Variants in FAM161B observed in about 807,000 individuals in gnomAD.
FAM161B encodes the protein FAM161 centrosomal protein B, also known as protein FAM161B.
A neutral mutation model predicts 61.5 loss-of-function variants in FAM161B; 46 were observed. The ratio of observed to expected loss-of-function variants is 0.75; its 90% CI spans 0.59 to 0.96. The LOEUF (loss-of-function observed/expected upper bound fraction) is 0.96. Ranked by LOEUF, FAM161B falls within the 40% of genes least tolerant of loss-of-function variation. The pLI is 0.00. For synonymous variants in FAM161B, 284 were observed against 302.7 expected (o/e 0.94, Z 0.64); for missense variants, 774 against 800.7 (o/e 0.97, Z 0.40).
chr14:73,924,587 A>G, the FAM161B span: 2 of 392,904 alleles, frequency 5.1e-6, no homozygotes, highest in African/African-American at 2.1e-5. Context: ...CACATTTCAT[A>G]TGCATAAACT....
chr14:73,946,301 C>T lies in FAM161B; in HGVS notation c.359G>A (p.Cys120Tyr), dbSNP rs774632283. The change falls in exon 2 of 9, where the codon TGC (cysteine) becomes TAC (tyrosine). Residue 120 changes from cysteine (C) to tyrosine (Y), a missense_variant. Coordinates refer to ENST00000286544, the MANE Select transcript of FAM161B (RefSeq NM_152445.3). ...DKDRGMVQVQ[C>Y]PQALRCGSTR... ...AGTGCCTTACCTCAGAGCCTGCGGG[C>T]ACTGGACCTGCACCATCCCCCTGTC... 2.5e-6 allele frequency: 4 copies of T among 1,612,954 alleles called. No individual in the cohort carries two copies. Among genetic ancestry groups the T allele is most frequent in the Non-Finnish European group, 2.5e-6 (3 of 1,179,302 alleles).
At chr14:73,924,833 C>T in the FAM161B span, 18 of 333,178 alleles carry the variant, frequency 5.4e-5, 1 homozygote, top group Admixed American at 5.3e-4. Flanking sequence ...CGTGCCACCA[C>T]GCCCAGCTAA....
intron 1 of FAM161B, among the ~76,000 whole-genome samples, chr14:73,949,171 C>T (rs969521431): frequency 4.6e-5 from 7 of 150,622 alleles, no homozygotes; most frequent in Non-Finnish European, 7.4e-5. Context: ...GGCACAATCT[C>T]GGCTCACTGC....
chr14:73,945,417 GTATTTT>G (rs2056058042), intron 2 of FAM161B, among the ~76,000 whole-genome samples: 1 of 152,064 alleles, frequency 6.6e-6, no homozygotes, highest in Non-Finnish European at 1.5e-5. Flanking sequence ...ATGCTTCCCT[GTATTTT>G]TTTTTATTTT....
At chr14:73,931,547 G>GGT (rs774203450), downstream of FAM161B, 1 of 1,608,850 alleles carries the variant, frequency 6.2e-7, no homozygotes, top group African/African-American at 1.3e-5. Context: ...CATGAGCGTG[G>GGT]GTGCTGACTC....
At chr14:73,949,365 GTAAGC>G (rs2056104192) in intron 1 of FAM161B, among the ~76,000 whole-genome samples, 1 of 151,808 alleles carries the variant, frequency 6.6e-6, no homozygotes, top group East Asian at 1.9e-4. Flanking sequence ...CATTACAGGA[GTAAGC>G]CACCGCACCC....
At chr14:73,926,306 C>CT in the FAM161B span, among the ~76,000 whole-genome samples, 4 of 151,986 alleles carry the variant, frequency 2.6e-5, no homozygotes, top group African/African-American at 9.7e-5. Flanking sequence ...GGTTGGTTTG[C>CT]TAGAGTCAGG....
downstream of FAM161B, chr14:73,931,671 C>T: frequency 2.5e-6 from 2 of 787,878 alleles, no homozygotes; most frequent in South Asian, 3.1e-5. Context: ...TTTTGCCACT[C>T]TTCCTCTTTC....
intron 1 of FAM161B, among the ~76,000 whole-genome samples, chr14:73,948,407 C>CTGTA (rs1828264778): frequency 1.3e-5 from 2 of 152,278 alleles, no homozygotes; most frequent in African/African-American, 4.8e-5. Context: ...CTGAGTTATA[C>CTGTA]TTTCTCAGTC....
intron 5 of FAM161B, among the ~76,000 whole-genome samples, chr14:73,939,333 C>T (rs2055998144): frequency 6.6e-6 from 1 of 152,098 alleles, no homozygotes; most frequent in Admixed American, 6.6e-5. Flanking sequence ...TTAAACAGTC[C>T]AACATTCAAT....
In FAM161B at chr14:73,935,396, C is replaced by T. The variant is rs904720851; in HGVS notation, c.1805+553G>A. Reference sequence around the variant, plus strand: ...CACAAAAATTAGCCAGGCGTGATGGCGGGAGCCTGTAATCCCAGCTACTCG... The same window carrying T: ...CACAAAAATTAGCCAGGCGTGATGGTGGGAGCCTGTAATCCCAGCTACTCG... On this transcript the variant is annotated intron_variant, in intron 8 of 8. Coordinates refer to ENST00000286544, the MANE Select transcript of FAM161B (RefSeq NM_152445.3). Among the ~76,000 whole-genome samples, 8 of 151,864 alleles carry T rather than the reference C, an allele frequency of 5.3e-5. 1 individual carries two copies. The South Asian group carries it at 6.2e-4, about 12-fold the overall frequency.
chr14:73,930,964 C>T (rs1254861460), downstream of FAM161B, among the ~76,000 whole-genome samples: 1 of 152,114 alleles, frequency 6.6e-6, no homozygotes, highest in East Asian at 1.9e-4. Flanking sequence ...TTGAATAGAG[C>T]CTTGTGTATA....
chr14:73,928,498 C>T (rs1417993133), downstream of FAM161B, among the ~76,000 whole-genome samples: 2 of 152,154 alleles, frequency 1.3e-5, no homozygotes, highest in Middle Eastern at 3.2e-3. Flanking sequence ...TAGGGTATGA[C>T]GTGATCAGAT....
chr14:73,931,238 A>G (rs2055909109), downstream of FAM161B, among the ~76,000 whole-genome samples: 1 of 152,170 alleles, frequency 6.6e-6, no homozygotes, highest in African/African-American at 2.4e-5. Flanking sequence ...TGAGTAGGTA[A>G]CTACACAAAC....
At chr14:73,948,204 G>A (rs764916289) in intron 1 of FAM161B, among the ~76,000 whole-genome samples, 16 of 152,236 alleles carry the variant, frequency 1.1e-4, no homozygotes, top group Non-Finnish European at 1.5e-4. Context: ...GATTACAGGC[G>A]TGAGCCATTG....
At chr14:73,923,369 T>A in the FAM161B span, 36 of 1,606,978 alleles carry the variant, frequency 2.2e-5, no homozygotes, top group Non-Finnish European at 3.0e-5. Context: ...CACTTTTCAT[T>A]GAAACATTTT....
In FAM161B at chr14:73,932,854, C is replaced by T. The variant is rs2055936337; in HGVS notation, c.*1402G>A. ...GCCCAGGCTGGTCTTGAACGCCTGGCTTCAAGCGATCCTCCTGCCTTGGCC... is the reference window on the plus strand; with the variant it reads ...GCCCAGGCTGGTCTTGAACGCCTGGTTTCAAGCGATCCTCCTGCCTTGGCC... On this transcript the variant is annotated 3_prime_UTR_variant, in exon 9 of 9. Transcript: ENST00000286544. 1 of 167,200 alleles carries T rather than the reference C, an allele frequency of 6.0e-6. No individual in the cohort carries two copies. The highest frequency in any genetic ancestry group is 6.0e-5 in the Admixed American group (1 of 16,804). The allele number at this position is 167,200 out of a possible 1,614,324, so 10.4% of individuals were successfully genotyped here. A position where few individuals can be genotyped will look rare whatever the true frequency, so the allele number is the denominator to read the frequency against.
Position 73,946,593 on chromosome 14 carries a change from CG to C in FAM161B, c.66del (p.Glu23SerfsTer35), listed in dbSNP as rs775951198. ...CCTGCCTCTGTGTCTGCGAAGGACT[CG>C]GGGGGAAATATCTAAAATAGAATAG... The part of the protein sequence containing the change: ...GAEGSRQIFP[P>X]ESFADTEAGE... On this transcript the variant is annotated frameshift_variant, in exon 2 of 9. Transcript: ENST00000286544. LOFTEE classifies it high-confidence loss of function. 1 of 1,612,654 alleles carries C rather than the reference CG, an allele frequency of 6.2e-7. No individual in the cohort carries two copies. The highest frequency in any genetic ancestry group is 8.5e-7 in the Non-Finnish European group (1 of 1,179,036).
intron 5 of FAM161B, 151 bp downstream of exon 5, chr14:73,940,775 G>A (rs1006442407): frequency 1.0e-5 from 11 of 1,085,182 alleles, no homozygotes; most frequent in Non-Finnish European, 1.3e-5. Flanking sequence ...ACCAGGTGTG[G>A]AGAACCGCAA....
Sources: allele counts gnomAD v4.1 joint callset (sites outside exome capture counted in the v4.1 genomes callset), GRCh38; gene constraint gnomAD v4.1.1; transcripts MANE v1.5; gene names NCBI Gene and HGNC (gene_info 2026-07-23, HGNC 2026-07-21).